Variants in FOXP1 observed in about 807,000 individuals in gnomAD.
FOXP1 encodes the protein forkhead box protein P1.
Under a neutral mutation model 98.2 loss-of-function variants are expected in FOXP1, and 15 were observed. The observed-to-expected ratio is 0.15, with a 90% CI of 0.10 to 0.24. The LOEUF (loss-of-function observed/expected upper bound fraction) is 0.24. Among genes scored for constraint, FOXP1 ranks in the 10% least tolerant of loss-of-function variants. FOXP1 has a pLI of 1.00. For missense variants in FOXP1, 633 were observed against 848.5 expected (o/e 0.75, Z 3.15); for synonymous variants, 371 against 314.5 (o/e 1.18, Z -1.90).
intron 2 of FOXP1, among the ~76,000 whole-genome samples, chr3:71,527,164 G>GCTTGTACAGTGAACAATC (rs1370102322): frequency 6.6e-6 from 1 of 152,138 alleles, no homozygotes; most frequent in African/African-American, 2.4e-5. Flanking sequence ...AGCCAGGCAA[G>GCTTGTACAGTGAACAATC]CTTGTACAGT....
intron 17 of FOXP1, among the ~76,000 whole-genome samples, chr3:70,976,367 C>CTTAAAACCAAAAAAAGAAAAACA (rs2037527535): frequency 1.3e-5 from 2 of 152,100 alleles, no homozygotes; most frequent in African/African-American, 2.4e-5. Context: ...AATCTCTTGA[C>CTTAAAACCAAAAAAAGAAAAACA]TTAAAACCAA....
intron 5 of FOXP1, among the ~76,000 whole-genome samples, chr3:71,250,997 T>C (rs973641850): frequency 2.6e-5 from 4 of 152,198 alleles, no homozygotes; most frequent in Non-Finnish European, 2.9e-5. Context: ...CAATCTTACT[T>C]TGAATCTTTT....
chr3:71,081,746 A>T (rs1398765515), intron 7 of FOXP1, among the ~76,000 whole-genome samples: 3 of 152,224 alleles, frequency 2.0e-5, no homozygotes, highest in Admixed American at 6.5e-5. Context: ...ACAAGACAAG[A>T]TTTAAGTCAT....
chr3:71,533,703 T>C (rs1039264933), intron 2 of FOXP1, among the ~76,000 whole-genome samples: 5 of 152,300 alleles, frequency 3.3e-5, no homozygotes, highest in Admixed American at 6.5e-5. Context: ...ATAGCAAAGA[T>C]TGGGATGACA....
intron 2 of FOXP1, among the ~76,000 whole-genome samples, chr3:71,521,022 C>T (rs2042942219): frequency 6.6e-6 from 1 of 152,000 alleles, no homozygotes; most frequent in Non-Finnish European, 1.5e-5. Flanking sequence ...TACCAGGTGC[C>T]AAGACCATGG....
intron 3 of FOXP1, among the ~76,000 whole-genome samples, chr3:71,463,916 G>A (rs13083254): frequency 0.062 from 9,388 of 152,184 alleles, 332 homozygotes; most frequent in South Asian, 0.12. Context: ...GGATTGAGAG[G>A]TGGCATCAAA....
At chr3:70,965,183 G>C (rs1414170466) in intron 20 of FOXP1, among the ~76,000 whole-genome samples, 1 of 152,186 alleles carries the variant, frequency 6.6e-6, no homozygotes, top group Non-Finnish European at 1.5e-5. Context: ...TCCTGGGAGA[G>C]AGGGTGTTAT....
Position 71,569,785 on chromosome 3 carries a change from C to CT in FOXP1, c.-298+11763dup, listed in dbSNP as rs796572529. 6.4e-3 allele frequency among the ~76,000 whole-genome samples: 914 copies of CT among 142,124 alleles called. 10 individuals are homozygous for CT. Among genetic ancestry groups the CT allele is most frequent in the East Asian group, 0.025 (124 of 4,932 alleles). 93.2% of individuals were successfully genotyped at this position (142,124 alleles called of 152,430 possible). A position where few individuals can be genotyped will look rare whatever the true frequency, so the allele number is the denominator to read the frequency against. On this transcript the variant is annotated intron_variant, in intron 2 of 20. Coordinates refer to ENST00000649528, the MANE Select transcript of FOXP1 (RefSeq NM_001349338.3). Reference sequence around the variant, plus strand: ...CTCAGTGAAAATCAGTCTCCACTTTCTTTTTTTTTTTTTTTGAGACGGAGT... The same window carrying CT: ...CTCAGTGAAAATCAGTCTCCACTTTCTTTTTTTTTTTTTTTTGAGACGGAGT...
intron 2 of FOXP1, among the ~76,000 whole-genome samples, chr3:71,507,238 G>A (rs1407105748): frequency 6.6e-6 from 1 of 152,130 alleles, no homozygotes; most frequent in Non-Finnish European, 1.5e-5. Flanking sequence ...CAGGGCCAGG[G>A]TAAACTGACA....
chr3:71,381,865 T>C (rs1372961430), intron 3 of FOXP1, among the ~76,000 whole-genome samples: 1 of 152,228 alleles, frequency 6.6e-6, no homozygotes, highest in Non-Finnish European at 1.5e-5. Context: ...ATAGGGAACA[T>C]CTACCAAATT....
At chr3:71,328,045 G>A (rs2076027505) in intron 4 of FOXP1, among the ~76,000 whole-genome samples, 1 of 152,148 alleles carries the variant, frequency 6.6e-6, no homozygotes, top group Non-Finnish European at 1.5e-5. Context: ...AGAGAGATCT[G>A]AAATTGTTTT....
chr3:71,422,421 C>T (rs950896537), intron 3 of FOXP1, among the ~76,000 whole-genome samples: 1 of 152,204 alleles, frequency 6.6e-6, no homozygotes, highest in African/African-American at 2.4e-5. Context: ...TGAGACCCTG[C>T]ATTTCTAATA....
Position 71,299,480 on chromosome 3 carries a change from A to T in FOXP1, c.-12+340T>A, listed in dbSNP as rs116823433. Among the ~76,000 whole-genome samples, 794 of 152,370 alleles carry T rather than the reference A, an allele frequency of 5.2e-3. 10 individuals carry two copies. Among genetic ancestry groups the T allele is most frequent in the Middle Eastern group, 0.017 (5 of 294 alleles). On this transcript the variant is annotated intron_variant, in intron 5 of 20. Coordinates refer to ENST00000649528, the MANE Select transcript of FOXP1 (RefSeq NM_001349338.3). Reference sequence around the variant, plus strand: ...CGTTACTCTTGTTTGCAGCAAGTTAATTTTATGAATCACCACTTTTGTGAT... The same window carrying T: ...CGTTACTCTTGTTTGCAGCAAGTTATTTTTATGAATCACCACTTTTGTGAT...
chr3:71,071,978 G>A (rs1487156138), intron 7 of FOXP1, among the ~76,000 whole-genome samples: 1 of 152,114 alleles, frequency 6.6e-6, no homozygotes, highest in African/African-American at 2.4e-5. Context: ...CATTAGCAAA[G>A]GACTAATCTC....
chr3:71,367,909 A>T (rs1171569732), intron 3 of FOXP1, among the ~76,000 whole-genome samples: 1 of 152,176 alleles, frequency 6.6e-6, no homozygotes, highest in African/African-American at 2.4e-5. Flanking sequence ...CAGGAGCAGA[A>T]GAAAAAAATA....
chr3:70,979,316 A>AAAG lies in FOXP1; in HGVS notation c.1147-1288_1147-1287insCTT, dbSNP rs2038332613. ...AAAAAAAAAAAAAAAAAAAAAAAAAAAAAAGAAAAAAATAAATTAATGAGC... is the reference window on the plus strand; with the variant it reads ...AAAAAAAAAAAAAAAAAAAAAAAAAAAAGAAAAGAAAAAAATAAATTAATGAGC... On this transcript the variant is annotated intron_variant, in intron 14 of 20. Coordinates refer to ENST00000649528, the MANE Select transcript of FOXP1 (RefSeq NM_001349338.3). Among the ~76,000 whole-genome samples the AAAG allele has an allele frequency of 1.3e-4, 13 of 96,508 alleles. 1 individual carries two copies. The highest frequency in any genetic ancestry group is 7.4e-4 in the East Asian group (2 of 2,702). The allele number at this position is 96,508 out of a possible 152,430, so 63.3% of individuals were successfully genotyped here.
chr3:71,518,641 T>C (rs896802960), intron 2 of FOXP1, among the ~76,000 whole-genome samples: 1 of 152,152 alleles, frequency 6.6e-6, no homozygotes, highest in Non-Finnish European at 1.5e-5. Context: ...ATGCAGAAGA[T>C]GGTGGCGCCA....
At chr3:71,383,942 G>C (rs1369068079) in intron 3 of FOXP1, among the ~76,000 whole-genome samples, 1 of 152,226 alleles carries the variant, frequency 6.6e-6, no homozygotes, top group Non-Finnish European at 1.5e-5. Context: ...AGGCTGGCGG[G>C]CGCGGTGGCT....
At chr3:70,961,987 C>T (rs1163221181) in intron 20 of FOXP1, among the ~76,000 whole-genome samples, 1 of 152,134 alleles carries the variant, frequency 6.6e-6, no homozygotes, top group Non-Finnish European at 1.5e-5. Flanking sequence ...CACCTGTGAA[C>T]CAGCTCTGCT....
Sources: allele counts gnomAD v4.1 joint callset (sites outside exome capture counted in the v4.1 genomes callset), GRCh38; gene constraint gnomAD v4.1.1; transcripts MANE v1.5; gene names NCBI Gene and HGNC (gene_info 2026-07-23, HGNC 2026-07-21).